SMUG1: variants seen among roughly 807,000 people sequenced by gnomAD.
The protein encoded by SMUG1 is single-strand selective monofunctional uracil DNA glycosylase.
Under a neutral mutation model 23.9 loss-of-function variants are expected in SMUG1, and 13 were observed. That is an observed-to-expected ratio of 0.54 (90% CI 0.35 to 0.86). The LOEUF (loss-of-function observed/expected upper bound fraction) is 0.86. Among genes scored for constraint, SMUG1 ranks in the 40% least tolerant of loss-of-function variants. The pLI, the probability that SMUG1 is intolerant of heterozygous loss-of-function variation, is 0.01. For missense variants in SMUG1, 313 were observed against 339.5 expected, an observed-to-expected ratio of 0.92 and a Z score of 0.61; for synonymous variants, 133 against 139.8, an observed-to-expected ratio of 0.95 and a Z score of 0.34.
At chr12:54,188,832 C>G (rs937065114) in intron 1 of SMUG1, 119 bp downstream of exon 1, 1 of 152,058 alleles carries the variant, frequency 6.6e-6, no homozygotes, top group Non-Finnish European at 1.5e-5. Context: ...TTACCCCATA[C>G]GGAGGGAGGG....
At chr12:54,183,264 G>A (rs1183412640) in intron 3 of SMUG1, 8 of 343,870 alleles carry the variant, frequency 2.3e-5, no homozygotes, top group East Asian at 4.5e-5. Flanking sequence ...TTCCCAGAAC[G>A]CCCTGCATCT....
rs749115419 is a variant in SMUG1 at position 54,182,209 on chromosome 12, C to A, written c.700G>T (p.Val234Leu). Reference sequence around the variant, plus strand: ...GGAGAGGGATGCAGGAGCCCTTCCACCTGGACCTCTGGCATCAGGCCTGCC... The same window carrying A: ...GGAGAGGGATGCAGGAGCCCTTCCAACTGGACCTCTGGCATCAGGCCTGCC... ...ALAGLMPEVQVEGLLHPSPRN... is the reference protein window; with the variant it reads ...ALAGLMPEVQLEGLLHPSPRN... Residue 234 changes from valine to leucine, a missense_variant, in exon 4 of 4, where the codon GTG becomes TTG. By Grantham distance (32) the Val-to-Leu change is conservative. Transcript: ENST00000682136. 6.2e-7 allele frequency: 1 copy of A among 1,612,250 alleles called. No homozygotes were observed. Among genetic ancestry groups the A allele is most frequent in the Non-Finnish European group, 8.5e-7 (1 of 1,178,756 alleles).
intron 3 of SMUG1, chr12:54,172,001 G>T (rs1023335422): frequency 4.5e-6 from 2 of 443,048 alleles, no homozygotes; most frequent in African/African-American, 4.0e-5. Context: ...CATCTCCCTG[G>T]TCCTGGCCCT....
chr12:54,176,517 A>ACGCCC, downstream of SMUG1, among the ~76,000 whole-genome samples: 1 of 74,998 alleles, frequency 1.3e-5, no homozygotes, highest in South Asian at 5.4e-4. Context: ...TCCCCCCCCA[A>ACGCCC]AAAAAAAGGC....
chr12:54,177,991 A>G (rs1489361472), downstream of SMUG1, among the ~76,000 whole-genome samples: 1 of 152,210 alleles, frequency 6.6e-6, no homozygotes, highest in Non-Finnish European at 1.5e-5. Context: ...CCTAAGGTTA[A>G]ATTGGGTAAT....
downstream of SMUG1, among the ~76,000 whole-genome samples, chr12:54,176,853 TTC>T (rs1738687865): frequency 1.3e-5 from 2 of 149,116 alleles, no homozygotes; most frequent in Non-Finnish European, 3.0e-5. Context: ...GGTAAGAAAA[TTC>T]TCTTTCTTCA....
chr12:54,173,866 C>T (rs1288670189), intron 2 of SMUG1, among the ~76,000 whole-genome samples: 1 of 151,814 alleles, frequency 6.6e-6, no homozygotes, highest in African/African-American at 2.4e-5. Context: ...ACAAGCCCCC[C>T]GAAGATGCCC....
chr12:54,175,364 A>G (rs560243991), downstream of SMUG1, among the ~76,000 whole-genome samples: 1 of 152,136 alleles, frequency 6.6e-6, no homozygotes. Flanking sequence ...TCCACTTCTC[A>G]TCTTCCATAG....
downstream of SMUG1, among the ~76,000 whole-genome samples, chr12:54,179,042 T>A (rs188399450): frequency 6.6e-6 from 1 of 152,314 alleles, no homozygotes; most frequent in African/African-American, 2.4e-5. Flanking sequence ...CACATTAGAC[T>A]CTTAAGTTCT....
chr12:54,171,551 G>T (rs554617712), intron 3 of SMUG1, among the ~76,000 whole-genome samples: 1 of 151,664 alleles, frequency 6.6e-6, no homozygotes, highest in Non-Finnish European at 1.5e-5. Flanking sequence ...TTAGCTGGAC[G>T]TGGCAGCGCG....
downstream of SMUG1, chr12:54,164,331 G>C (rs1940370383): frequency 6.7e-6 from 1 of 149,196 alleles, no homozygotes; most frequent in African/African-American, 2.5e-5. Flanking sequence ...GGAAGGGGAA[G>C]ACTGGAGTCC....
In SMUG1 at chr12:54,183,836, C is replaced by A. The variant is rs765111234; in HGVS notation, c.105G>T (p.Glu35Asp). 2.0e-5 allele frequency: 32 copies of A among 1,613,752 alleles called. No individual in the cohort carries two copies. The South Asian group carries it at 2.4e-4, about 12-fold the overall frequency. ...GSLAESFLEEELRLNAELSQL... is the reference protein window; with the variant it reads ...GSLAESFLEEDLRLNAELSQL... ...GGCTCAGCTCAGCATTGAGCCGAAG[C>A]TCCTCCTCCAGGAAGCTCTCAGCCA... Residue 35 changes from glutamate (E) to aspartate (D), a missense_variant, in exon 3 of 4, where the codon GAG (glutamate) becomes GAT (aspartate). By Grantham distance (45) the Glu-to-Asp change is conservative. Transcript: ENST00000682136.
downstream of SMUG1, chr12:54,163,243 G>A (rs1258634938): frequency 1.3e-5 from 2 of 152,358 alleles, no homozygotes; most frequent in Middle Eastern, 3.4e-3. Flanking sequence ...CAGGAACTGT[G>A]AAGCAGTGTG....
intron 4 of SMUG1, among the ~76,000 whole-genome samples, chr12:54,165,198 C>T (rs2136532332): frequency 6.6e-6 from 1 of 152,318 alleles, no homozygotes; most frequent in Non-Finnish European, 1.5e-5. Context: ...ATGGCAACCC[C>T]TCCAACCACC....
At chr12:54,175,857 C>G (rs1159722856), downstream of SMUG1, among the ~76,000 whole-genome samples, 1 of 152,086 alleles carries the variant, frequency 6.6e-6, no homozygotes, top group Non-Finnish European at 1.5e-5. Flanking sequence ...AAAGTGAGAC[C>G]ACACAGTGGC....
chr12:54,178,643 C>T (rs1394447927), downstream of SMUG1, among the ~76,000 whole-genome samples: 1 of 152,156 alleles, frequency 6.6e-6, no homozygotes, highest in Non-Finnish European at 1.5e-5. Context: ...CTGTGCATCT[C>T]ACTTCCCCCA....
intron 3 of SMUG1, among the ~76,000 whole-genome samples, chr12:54,171,117 A>T (rs1940603665): frequency 6.6e-6 from 1 of 151,404 alleles, no homozygotes; most frequent in Non-Finnish European, 1.5e-5. Flanking sequence ...TCCCTGCCTC[A>T]GCATCCCAAG....
At position 54,188,298 on chromosome 12, in the gene SMUG1, T is replaced by TAATA. The variant is rs1565844477; in HGVS notation, c.-103-400_-103-397dup. ...TAATAATAATAATAATAATAATAAA[T>TAATA]AATAATAATAATAATAATAATAATA... On this transcript the variant is annotated intron_variant, in intron 1 of 3. Transcript: ENST00000682136. Among the ~76,000 whole-genome samples, 431 of 60,938 alleles carry TAATA rather than the reference T, an allele frequency of 7.1e-3. 1 individual carries two copies. Among genetic ancestry groups the TAATA allele is most frequent in the South Asian group, 0.023 (47 of 2,032 alleles). The allele number at this position is 60,938 out of a possible 152,430, so 40.0% of individuals were successfully genotyped here.
chr12:54,182,910 A>C (rs918498260), intron 3 of SMUG1: 6 of 422,006 alleles, frequency 1.4e-5, no homozygotes, highest in African/African-American at 1.2e-4. Flanking sequence ...AGCCCTACAC[A>C]GGGTTTGATG....
Sources: gnomAD v4.1 joint callset for allele counts (sites outside exome capture counted in the v4.1 genomes callset) on GRCh38, gnomAD v4.1.1 for gene constraint, MANE v1.5 for transcripts, NCBI Gene and HGNC (gene_info 2026-07-23, HGNC 2026-07-21) for gene names.